MEMO1: variants seen among roughly 807,000 people sequenced by gnomAD.
The protein encoded by MEMO1 is mediator of cell motility 1.
MEMO1 carries 6 observed loss-of-function variants against 45.2 expected under a neutral mutation model. The ratio of observed to expected loss-of-function variants is 0.13; its 90% CI spans 0.07 to 0.26. MEMO1 has a LOEUF of 0.26. MEMO1 is among the 10% of genes least tolerant of loss of function. The probability of loss-of-function intolerance (pLI) is 1.00; values close to 1 mark genes in which losing one functional copy is unlikely to be tolerated. For missense variants in MEMO1, 184 were observed against 370.5 expected, an observed-to-expected ratio of 0.50 and a Z score of 4.13; for synonymous variants, 78 against 124.3, an observed-to-expected ratio of 0.63 and a Z score of 2.48.
At chr2:31,902,420 T>C (rs1477978741) in intron 6 of MEMO1, among the ~76,000 whole-genome samples, 1 of 151,976 alleles carries the variant, frequency 6.6e-6, no homozygotes, top group Non-Finnish European at 1.5e-5. Context: ...GTTAAATCAT[T>C]GAACTCTTAC....
chr2:31,912,324 G>A (rs1401025526), intron 6 of MEMO1, among the ~76,000 whole-genome samples: 1 of 151,786 alleles, frequency 6.6e-6, no homozygotes, highest in Non-Finnish European at 1.5e-5. Context: ...CTGGGCAACA[G>A]AGCAAGACTC....
At position 31,934,710 on chromosome 2, in the gene MEMO1, C is replaced by G. The variant is rs531157959; in HGVS notation, c.144-2575G>C. Among the ~76,000 whole-genome samples, 51 of 152,260 alleles carry G rather than the reference C, an allele frequency of 3.3e-4. 1 individual carries two copies. In the South Asian group the frequency reaches 0.011, roughly 32 times the overall value. On this transcript the variant is annotated intron_variant, in intron 3 of 9. Coordinates refer to ENST00000404530, the MANE Select transcript of MEMO1 (RefSeq NM_001301833.4). ...AATAGGGGCTTGATAAAACAAGATTCTGAAAAATGCTGTGAGCTCTTGGGC... is the reference window on the plus strand; with the variant it reads ...AATAGGGGCTTGATAAAACAAGATTGTGAAAAATGCTGTGAGCTCTTGGGC...
At chr2:31,987,200 G>T (rs1402092737) in intron 2 of MEMO1, among the ~76,000 whole-genome samples, 1 of 151,732 alleles carries the variant, frequency 6.6e-6, no homozygotes, top group African/African-American at 2.4e-5. Context: ...AAGGGGTCTC[G>T]CTATGTTGTC....
At chr2:31,897,827 G>A (rs1238303575) in intron 6 of MEMO1, among the ~76,000 whole-genome samples, 1 of 152,060 alleles carries the variant, frequency 6.6e-6, no homozygotes, top group Non-Finnish European at 1.5e-5. Flanking sequence ...GTAGAATTCA[G>A]CTATGAATGC....
rs187014388 is a variant in MEMO1 at position 31,938,541 on chromosome 2, G to A, written c.143+4761C>T. 3.8e-3 allele frequency among the ~76,000 whole-genome samples: 577 copies of A among 151,914 alleles called. 3 individuals are homozygous for A. The highest frequency in any genetic ancestry group is 5.9e-3 in the Non-Finnish European group (399 of 67,964). On this transcript the variant is annotated intron_variant, in intron 3 of 9. Coordinates refer to ENST00000404530, the MANE Select transcript of MEMO1 (RefSeq NM_001301833.4). ...TGGGCGACTGTAGTCCCAGCTACTC[G>A]GGAGGCTGAGGCAGGAGAATGGCGT...
chr2:31,998,828 T>G (rs1672921155), intron 2 of MEMO1, among the ~76,000 whole-genome samples: 1 of 151,904 alleles, frequency 6.6e-6, no homozygotes, highest in African/African-American at 2.4e-5. Flanking sequence ...AAATCATCTA[T>G]ATGATGCTAA....
chr2:31,968,418 G>A (rs1668885339), intron 2 of MEMO1, among the ~76,000 whole-genome samples: 2 of 152,280 alleles, frequency 1.3e-5, no homozygotes. Flanking sequence ...GAGCTGTCAT[G>A]CTGATAACCC....
chr2:31,933,349 AT>A (rs759401665), intron 3 of MEMO1, among the ~76,000 whole-genome samples: 11 of 19,304 alleles, frequency 5.7e-4, no homozygotes, highest in African/African-American at 1.4e-3. Context: ...AAAAAAAAAA[AT>A]TTATATATAT....
intron 8 of MEMO1, among the ~76,000 whole-genome samples, chr2:31,875,248 T>C (rs1374530647): frequency 6.6e-6 from 1 of 152,172 alleles, no homozygotes; most frequent in African/African-American, 2.4e-5. Flanking sequence ...TTTAAAATTA[T>C]GTTCCAGTAA....
At chr2:31,922,512 G>A (rs1269008656) in intron 4 of MEMO1, among the ~76,000 whole-genome samples, 1 of 152,120 alleles carries the variant, frequency 6.6e-6, no homozygotes, top group African/African-American at 2.4e-5. Flanking sequence ...AAGGGTACCT[G>A]TACGGGTTTG....
chr2:31,997,948 CAT>C (rs1672801137), intron 2 of MEMO1, among the ~76,000 whole-genome samples: 3 of 152,232 alleles, frequency 2.0e-5, no homozygotes, highest in South Asian at 2.1e-4. Flanking sequence ...CAGACTTACA[CAT>C]ATGTGTTTCA....
chr2:31,869,735 A>C (rs1259655998), intron 9 of MEMO1, 113 bp downstream of exon 9: 1 of 1,149,668 alleles, frequency 8.7e-7, no homozygotes, highest in Non-Finnish European at 1.2e-6. Context: ...GATACTAAAA[A>C]GAAACTTGAC....
intron 8 of MEMO1, among the ~76,000 whole-genome samples, chr2:31,875,933 C>A (rs1039331889): frequency 6.6e-6 from 1 of 152,068 alleles, no homozygotes; most frequent in Non-Finnish European, 1.5e-5. Context: ...GTGATCTGCT[C>A]GCCTCGGCCC....
At chr2:31,986,171 G>A (rs1032749932) in intron 2 of MEMO1, among the ~76,000 whole-genome samples, 1 of 152,166 alleles carries the variant, frequency 6.6e-6, no homozygotes, top group Non-Finnish European at 1.5e-5. Flanking sequence ...GAGGCAGGCA[G>A]ATCACGAGGT....
intron 2 of MEMO1, among the ~76,000 whole-genome samples, chr2:31,972,243 G>A (rs985675369): frequency 2.6e-5 from 4 of 152,136 alleles, no homozygotes; most frequent in Admixed American, 2.6e-4. Flanking sequence ...ACTTTTGGAT[G>A]TTGTATTACT....
At chr2:31,980,368 G>A (rs1670495895) in intron 2 of MEMO1, among the ~76,000 whole-genome samples, 1 of 152,116 alleles carries the variant, frequency 6.6e-6, no homozygotes, top group Non-Finnish European at 1.5e-5. Flanking sequence ...AGGAGTTGGA[G>A]GCTGCAATGA....
At chr2:31,929,888 C>G (rs1683688260) in intron 4 of MEMO1, among the ~76,000 whole-genome samples, 1 of 152,218 alleles carries the variant, frequency 6.6e-6, no homozygotes, top group South Asian at 2.1e-4. Flanking sequence ...TCAACTGTGA[C>G]TGTCAATTAT....
intron 4 of MEMO1, among the ~76,000 whole-genome samples, chr2:31,921,925 T>A (rs1031191455): frequency 6.6e-6 from 1 of 152,164 alleles, no homozygotes; most frequent in African/African-American, 2.4e-5. Context: ...AATCTCTTTA[T>A]CTTGACATCA....
chr2:31,981,141 T>C (rs1670586390), intron 2 of MEMO1, among the ~76,000 whole-genome samples: 1 of 152,056 alleles, frequency 6.6e-6, no homozygotes, highest in Non-Finnish European at 1.5e-5. Context: ...AAACAGACAA[T>C]CCCCATTACT....
Sources: allele counts gnomAD v4.1 joint callset (sites outside exome capture counted in the v4.1 genomes callset), GRCh38; gene constraint gnomAD v4.1.1; transcripts MANE v1.5; gene names NCBI Gene and HGNC (gene_info 2026-07-23, HGNC 2026-07-21).